Variants in CYP4Z1 observed in about 807,000 individuals in gnomAD.
CYP4Z1 encodes the protein cytochrome P450 4Z1.
Under a neutral mutation model 54.2 loss-of-function variants are expected in CYP4Z1, and 41 were observed. The ratio of observed to expected loss-of-function variants is 0.76; its 90% CI spans 0.59 to 0.98. The LOEUF (loss-of-function observed/expected upper bound fraction) is 0.98, where lower values mean the gene tolerates loss of function less well. Ranked by LOEUF, CYP4Z1 falls within the 50% of genes least tolerant of loss-of-function variation. CYP4Z1 has a pLI of 0.00. For missense variants in CYP4Z1, 513 were observed against 599.0 expected (o/e 0.86, Z 1.50); for synonymous variants, 163 against 206.2 (o/e 0.79, Z 1.79).
rs79719316 is a variant in CYP4Z1 at position 47,109,616 on chromosome 1, G to C, written c.1201+3355G>C. ...TCAAATGATACACAGATTCCTGGGA[G>C]AGCAGTCATTTTTTCTGGACAATGC... is the stretch of plus-strand genomic sequence containing the variant. On this transcript the variant is annotated intron_variant, in intron 9 of 11. Coordinates refer to ENST00000334194, the MANE Select transcript of CYP4Z1 (RefSeq NM_178134.3). 4.8e-3 allele frequency among the ~76,000 whole-genome samples: 738 copies of C among 152,284 alleles called. 13 individuals carry two copies. Among genetic ancestry groups the C allele is most frequent in the East Asian group, 0.046 (239 of 5,188 alleles).
At position 47,109,873 on chromosome 1, in the gene CYP4Z1, C is replaced by CA. The variant is rs56098025; in HGVS notation, c.1201+3627dup. Among the ~76,000 whole-genome samples, 285 of 130,288 alleles carry CA rather than the reference C, an allele frequency of 2.2e-3. 3 individuals carry two copies. The East Asian group carries it at 0.033, about 15-fold the overall frequency. 85.5% of individuals were successfully genotyped at this position (130,288 alleles called of 152,430 possible). ...GGTGTTTTCAGATTTTCTACATGGCCAAAAAAAAAAAAAAAGATGACAAAC... is the reference window on the plus strand; with the variant it reads ...GGTGTTTTCAGATTTTCTACATGGCCAAAAAAAAAAAAAAAAGATGACAAAC... On this transcript the variant is annotated intron_variant, in intron 9 of 11. Transcript: ENST00000334194.
At chr1:47,086,338 C>T (rs901444113) in intron 6 of CYP4Z1, among the ~76,000 whole-genome samples, 1 of 152,238 alleles carries the variant, frequency 6.6e-6, no homozygotes, top group Admixed American at 6.5e-5. Flanking sequence ...TATTTCTCCA[C>T]ATCCTCTCCA....
chr1:47,086,156 G>T (rs1407049668), intron 6 of CYP4Z1, among the ~76,000 whole-genome samples: 2 of 152,130 alleles, frequency 1.3e-5, no homozygotes, highest in African/African-American at 2.4e-5. Flanking sequence ...GTAAACACAC[G>T]TGTGCATGTG....
chr1:47,057,630 T>G, the CYP4Z1 span, among the ~76,000 whole-genome samples: 1 of 150,422 alleles, frequency 6.6e-6, no homozygotes, highest in African/African-American at 2.4e-5. Flanking sequence ...CTTCTAAGTT[T>G]TAGACTTTTC....
Position 47,103,273 on chromosome 1 carries a change from G to A in CYP4Z1, c.1068-2855G>A, listed in dbSNP as rs139423011. ...TAGCTCACTGCAGCCTCAAACTCCT[G>A]GGCTCAAGCAGTCTTCCTGTTTCAG... On this transcript the variant is annotated intron_variant, in intron 8 of 11. Transcript: ENST00000334194. 4.3e-3 allele frequency among the ~76,000 whole-genome samples: 647 copies of A among 151,812 alleles called. 4 individuals are homozygous for A. The highest frequency in any genetic ancestry group is 8.3e-3 in the Admixed American group (126 of 15,244).
chr1:47,116,718 C>T lies in CYP4Z1; in HGVS notation c.1335C>T (p.Phe445=). ...EKIHPYAFIP[F]SAGLRNCIGQ... ...TACATCCCTATGCCTTCATACCATT[C>T]TCAGCTGGATTAAGGTAAAGACTCA... is the stretch of plus-strand genomic sequence containing the variant. The change falls in exon 11 of 12, where the codon TTC becomes TTT. Residue 445 remains phenylalanine (F), a synonymous_variant. Coordinates refer to ENST00000334194, the MANE Select transcript of CYP4Z1 (RefSeq NM_178134.3). The T allele has an allele frequency of 6.2e-7, 1 of 1,609,512 alleles. No homozygotes were observed.
chr1:47,085,691 T>A (rs1222284299), intron 6 of CYP4Z1, among the ~76,000 whole-genome samples: 2 of 152,144 alleles, frequency 1.3e-5, no homozygotes, highest in African/African-American at 4.8e-5. Context: ...TTCTTTTTCT[T>A]TTCCTTTTTT....
At chr1:47,099,319 C>T (rs757262935) in intron 8 of CYP4Z1, 35 bp downstream of exon 8, 11 of 1,525,950 alleles carry the variant, frequency 7.2e-6, no homozygotes, top group Non-Finnish European at 9.7e-6. Flanking sequence ...CCTGAATTTT[C>T]CCCTTATACA....
At chr1:47,077,794 C>A (rs546756621) in intron 2 of CYP4Z1, among the ~76,000 whole-genome samples, 32 of 151,554 alleles carry the variant, frequency 2.1e-4, no homozygotes, top group Non-Finnish European at 4.0e-4. Flanking sequence ...CTAATTTTTT[C>A]TTTTGTATAG....
intron 9 of CYP4Z1, among the ~76,000 whole-genome samples, chr1:47,106,830 T>C (rs1847225): frequency 0.26 from 39,288 of 152,094 alleles, 5,809 homozygotes; most frequent in East Asian, 0.66. Context: ...CTGGGTGGCA[T>C]GATTATAGTT....
chr1:47,076,966 C>G (rs1449403697), intron 2 of CYP4Z1, among the ~76,000 whole-genome samples: 1 of 148,920 alleles, frequency 6.7e-6, no homozygotes, highest in Non-Finnish European at 1.5e-5. Flanking sequence ...TGATTTCAAT[C>G]TTTTTAAATT....
In CYP4Z1 at chr1:47,067,641, G is replaced by A; in HGVS notation, c.151G>A (p.Ala51Thr). 6.2e-7 allele frequency: 1 copy of A among 1,610,036 alleles called. No homozygotes were observed. The highest frequency in any genetic ancestry group is 8.5e-7 in the Non-Finnish European group (1 of 1,177,586). ...RALHLFPAPP[A>T]HWFYGHKEFY... ...CCTGCACCTGTTTCCTGCACCCCCT[G>A]CCCACTGGTTCTATGGCCACAAGGA... is the stretch of plus-strand genomic sequence containing the variant. Residue 51 changes from alanine (A) to threonine (T), a missense_variant, in exon 1 of 12, where the codon GCC (alanine) becomes ACC (threonine). By Grantham distance (58) the Ala-to-Thr change is moderately conservative. Coordinates refer to ENST00000334194, the MANE Select transcript of CYP4Z1 (RefSeq NM_178134.3).
chr1:47,082,552 A>G, intron 4 of CYP4Z1, 91 bp downstream of exon 4: 2 of 1,528,068 alleles, frequency 1.3e-6, no homozygotes, highest in Non-Finnish European at 1.8e-6. Flanking sequence ...CCTCAGAACC[A>G]TGTTCACAGC....
At chr1:47,059,632 A>C in the CYP4Z1 span, among the ~76,000 whole-genome samples, 1 of 152,290 alleles carries the variant, frequency 6.6e-6, no homozygotes, top group African/African-American at 2.4e-5. Flanking sequence ...TGTACTTCTC[A>C]ATTTTCATGT....
chr1:47,087,972 G>T (rs1433666433), intron 6 of CYP4Z1, among the ~76,000 whole-genome samples: 1 of 152,084 alleles, frequency 6.6e-6, no homozygotes, highest in South Asian at 2.1e-4. Flanking sequence ...TTTGTCTTTG[G>T]TTCTCTTTAT....
chr1:47,060,835 C>T, the CYP4Z1 span, among the ~76,000 whole-genome samples: 1 of 152,034 alleles, frequency 6.6e-6, no homozygotes, highest in African/African-American at 2.4e-5. Context: ...GCAAAAGAAC[C>T]AAAATCATAC....
the CYP4Z1 span, among the ~76,000 whole-genome samples, chr1:47,059,892 C>T: frequency 6.6e-6 from 1 of 152,144 alleles, no homozygotes; most frequent in Non-Finnish European, 1.5e-5. Context: ...CCACCCTTTT[C>T]TCCTCTCCCC....
intron 10 of CYP4Z1, among the ~76,000 whole-genome samples, chr1:47,115,963 G>C (rs1308691440): frequency 6.6e-6 from 1 of 152,190 alleles, no homozygotes; most frequent in Non-Finnish European, 1.5e-5. Context: ...AAAGTAGCAA[G>C]ATTATGGACT....
At chr1:47,063,198 C>T (rs1030671913), upstream of CYP4Z1, among the ~76,000 whole-genome samples, 1 of 152,172 alleles carries the variant, frequency 6.6e-6, no homozygotes, top group Non-Finnish European at 1.5e-5. Context: ...GAGAACATCA[C>T]ATCAAGGGAG....
Sources: gnomAD v4.1 joint callset for allele counts (sites outside exome capture counted in the v4.1 genomes callset) on GRCh38, gnomAD v4.1.1 for gene constraint, MANE v1.5 for transcripts, NCBI Gene and HGNC (gene_info 2026-07-23, HGNC 2026-07-21) for gene names.